The following ATP8B4 variants were observed in gnomAD, a reference collection of about 807,000 sequenced individuals.
ATP8B4 encodes the protein ATPase phospholipid transporting 8B4 (putative), also known as probable phospholipid-transporting ATPase IM.
Under a neutral mutation model 145.6 loss-of-function variants are expected in ATP8B4, and 133 were observed. The ratio of observed to expected loss-of-function variants is 0.91; its 90% CI spans 0.79 to 1.05. The LOEUF is 1.05. Ranked by LOEUF, ATP8B4 falls within the 50% of genes least tolerant of loss-of-function variation. ATP8B4 has a pLI of 0.00. For missense variants in ATP8B4, 1,458 were observed against 1,425.2 expected, an observed-to-expected ratio of 1.02 and a Z score of -0.37; for synonymous variants, 507 against 492.9, an observed-to-expected ratio of 1.03 and a Z score of -0.38.
At chr15:50,072,522 A>G (rs1054017382) in intron 3 of ATP8B4, among the ~76,000 whole-genome samples, 13 of 152,206 alleles carry the variant, frequency 8.5e-5, no homozygotes, top group South Asian at 4.1e-4. Flanking sequence ...CCTTACATCA[A>G]TGAAAAAAAT....
At chr15:50,144,871 G>T (rs895552764) in intron 1 of ATP8B4, among the ~76,000 whole-genome samples, 2 of 151,832 alleles carry the variant, frequency 1.3e-5, no homozygotes, top group Non-Finnish European at 2.9e-5. Context: ...AAGCCGTCAC[G>T]GACTACTCTC....
At chr15:49,931,070 A>G in intron 16 of ATP8B4, 49 bp downstream of exon 16, 1 of 1,528,412 alleles carries the variant, frequency 6.5e-7, no homozygotes, top group Non-Finnish European at 8.9e-7. Context: ...GAAAAGCATA[A>G]CCACAACAGT....
intron 1 of ATP8B4, among the ~76,000 whole-genome samples, chr15:50,151,918 CTATAGACAGCTTAAGAGAGAAAGTTTTCT>C (rs1186235581): frequency 6.6e-6 from 1 of 152,006 alleles, no homozygotes; most frequent in Non-Finnish European, 1.5e-5. Context: ...ATGTTGTAAA[CTATAGACAGCTTAAGAGAGAAAGTTTTCT>C]TAAGTCTGGA....
chr15:50,181,393 C>CA (rs2044845525), intron 1 of ATP8B4, among the ~76,000 whole-genome samples: 1 of 152,232 alleles, frequency 6.6e-6, no homozygotes, highest in Admixed American at 6.5e-5. Flanking sequence ...ACCACTTACT[C>CA]AATGTCCTCT....
intron 1 of ATP8B4, among the ~76,000 whole-genome samples, chr15:50,176,581 AG>A (rs1211232737): frequency 1.3e-5 from 2 of 152,174 alleles, no homozygotes; most frequent in African/African-American, 4.8e-5. Flanking sequence ...AATCCAAAAA[AG>A]AGTACATTGT....
intron 16 of ATP8B4, 49 bp from the exon 17 acceptor site, chr15:49,923,543 T>G: frequency 7.7e-7 from 1 of 1,301,512 alleles, no homozygotes; most frequent in Non-Finnish European, 1.1e-6. Context: ...ACGTCATACA[T>G]CAAAATTAGA....
chr15:49,943,069 T>C (rs945053889), intron 14 of ATP8B4, among the ~76,000 whole-genome samples: 4 of 151,386 alleles, frequency 2.6e-5, no homozygotes, highest in African/African-American at 9.7e-5. Context: ...AAGAATACAA[T>C]AAATGAATTG....
intron 2 of ATP8B4, among the ~76,000 whole-genome samples, chr15:50,081,702 AG>A (rs1307502042): frequency 3.9e-5 from 6 of 152,274 alleles, no homozygotes; most frequent in African/African-American, 1.4e-4. Context: ...TGCTAATAAG[AG>A]CAAGAGTAAA....
At position 49,860,187 on chromosome 15, in the gene ATP8B4, T is replaced by C. The variant is rs369362392; in HGVS notation, c.*7A>G. ...AAGATAACTACGTGGTTTAAATTCA[T>C]ATTGACTCACAGTTTCACTGTTTTA... On this transcript the variant is annotated 3_prime_UTR_variant, in exon 28 of 28. Coordinates refer to ENST00000284509, the MANE Select transcript of ATP8B4 (RefSeq NM_024837.4). 6 of 1,603,238 alleles carry C rather than the reference T, an allele frequency of 3.7e-6. No homozygotes were observed. The South Asian group carries it at 6.7e-5, about 18-fold the overall frequency.
At chr15:50,094,161 A>G (rs2055799493) in intron 2 of ATP8B4, among the ~76,000 whole-genome samples, 1 of 152,152 alleles carries the variant, frequency 6.6e-6, no homozygotes, top group South Asian at 2.1e-4. Context: ...CATGAGATCA[A>G]CATTTTAATC....
chr15:49,970,081 C>T (rs1230517340), intron 13 of ATP8B4, among the ~76,000 whole-genome samples: 2 of 152,092 alleles, frequency 1.3e-5, no homozygotes, highest in East Asian at 3.8e-4. Context: ...CCCCTTCATG[C>T]TAAAAACTCT....
At chr15:50,118,017 G>A (rs1040171804) in intron 1 of ATP8B4, among the ~76,000 whole-genome samples, 2 of 152,110 alleles carry the variant, frequency 1.3e-5, no homozygotes, top group African/African-American at 4.8e-5. Context: ...GAGGAAGAAG[G>A]GGGTGAAGGT....
rs201608867 is a variant in ATP8B4 at position 49,898,945 on chromosome 15, AT to A, written c.2290-695del. 8.0e-4 allele frequency among the ~76,000 whole-genome samples: 122 copies of A among 152,042 alleles called. 1 individual carries two copies. The highest frequency in any genetic ancestry group is 1.9e-3 in the African/African-American group (80 of 41,510). On this transcript the variant is annotated intron_variant, in intron 21 of 27. Transcript: ENST00000284509. The stretch of plus-strand genomic sequence containing the variant: ...ACAATCCCTTCCAATTAACTGTGCA[AT>A]TTTTTTTTCCTAGAAAATGTTTTAC...
intron 17 of ATP8B4, among the ~76,000 whole-genome samples, chr15:49,921,426 G>A (rs2040249133): frequency 6.6e-6 from 1 of 152,188 alleles, no homozygotes. Context: ...CTAATAGTAG[G>A]GGAAAAGAAA....
Position 50,010,905 on chromosome 15 carries a change from T to C in ATP8B4, c.375A>G (p.Glu125=), listed in dbSNP as rs776633090. ...CTCCCACTTTGACATTCATCCATTT[T>C]TCATTCTGCAGTCTAAAAACAAAAA... ...EVLINSKLQN[E]KWMNVKVGDI... The change falls in exon 7 of 28, where the codon GAA becomes GAG. Residue 125 remains glutamate, a synonymous_variant. Transcript: ENST00000284509. 6.4e-7 allele frequency: 1 copy of C among 1,556,032 alleles called. No homozygotes were observed. Among genetic ancestry groups the C allele is most frequent in the Non-Finnish European group, 8.7e-7 (1 of 1,153,796 alleles).
Position 50,018,963 on chromosome 15 carries a change from T to C in ATP8B4, c.363-8046A>G, listed in dbSNP as rs561747349. On this transcript the variant is annotated intron_variant, in intron 6 of 27. Transcript: ENST00000284509. ...CTTCCTGTCATTAAACCCTCAGCTT[T>C]GTACCTTCAGCACCTTCATTATGAG... 5 of 1,247,538 alleles carry C rather than the reference T, an allele frequency of 4.0e-6. No homozygotes were observed. In the East Asian group the frequency reaches 2.9e-4, roughly 71 times the overall value. The allele number at this position is 1,247,538 out of a possible 1,614,324, so 77.3% of individuals were successfully genotyped here.
chr15:50,035,153 CA>C (rs1417739868), intron 6 of ATP8B4, among the ~76,000 whole-genome samples: 8 of 144,504 alleles, frequency 5.5e-5, no homozygotes, highest in South Asian at 2.2e-4. Context: ...ATTAAGAAAA[CA>C]AAAAAAAAAG....
intron 14 of ATP8B4, 35 bp downstream of exon 14, chr15:49,961,942 T>C (rs779382205): frequency 1.0e-4 from 155 of 1,537,542 alleles, no homozygotes; most frequent in Non-Finnish European, 1.3e-4. Flanking sequence ...TAATTTGAAA[T>C]TAAAACTAAG....
At chr15:50,043,724 C>T (rs954959905) in intron 5 of ATP8B4, among the ~76,000 whole-genome samples, 43 of 151,822 alleles carry the variant, frequency 2.8e-4, no homozygotes, top group African/African-American at 9.9e-4. Context: ...GAGGCCGAGG[C>T]AGGTGGATCA....
Sources: gnomAD v4.1 joint callset for allele counts (sites outside exome capture counted in the v4.1 genomes callset) on GRCh38, gnomAD v4.1.1 for gene constraint, MANE v1.5 for transcripts, NCBI Gene and HGNC (gene_info 2026-07-23, HGNC 2026-07-21) for gene names.